The following UNC13C variants were observed in gnomAD, a reference collection of about 807,000 sequenced individuals.
UNC13C encodes the protein protein unc-13 homolog C.
UNC13C carries 174 observed loss-of-function variants against 245.4 expected under a neutral mutation model. That is an observed-to-expected ratio of 0.71 (90% CI 0.63 to 0.80). The LOEUF (loss-of-function observed/expected upper bound fraction) is 0.80, where lower values mean the gene tolerates loss of function less well. Among genes scored for constraint, UNC13C ranks in the 30% least tolerant of loss-of-function variants. The pLI, the probability that UNC13C is intolerant of heterozygous loss-of-function variation, is 0.00. For synonymous variants in UNC13C, 992 were observed against 895.1 expected (o/e 1.11, Z -1.93); for missense variants, 2,829 against 2,602.9 (o/e 1.09, Z -1.89).
intron 17 of UNC13C, among the ~76,000 whole-genome samples, chr15:54,350,499 C>A (rs1226529150): frequency 6.6e-6 from 1 of 152,056 alleles, no homozygotes; most frequent in Non-Finnish European, 1.5e-5. Flanking sequence ...GATCTAAATT[C>A]TTAAACAAGG....
chr15:53,977,679 A>C (rs1893754539), upstream of UNC13C, among the ~76,000 whole-genome samples: 1 of 152,190 alleles, frequency 6.6e-6, no homozygotes, highest in Admixed American at 6.5e-5. Flanking sequence ...TTGTTTCAAC[A>C]GGAGGATTAG....
rs146748171 is a variant in UNC13C at position 54,469,707 on chromosome 15, T to G, written c.4934-24901T>G. On this transcript the variant is annotated intron_variant, in intron 19 of 32. Coordinates refer to ENST00000260323, the MANE Select transcript of UNC13C (RefSeq NM_001080534.3). Reference sequence around the variant, plus strand: ...TCAAGTTTTGCTTTTTGGAATTTTGTGGAATTTTTTGTGAGTATTTTCAAT... The same window carrying G: ...TCAAGTTTTGCTTTTTGGAATTTTGGGGAATTTTTTGTGAGTATTTTCAAT... Among the ~76,000 whole-genome samples the G allele has an allele frequency of 7.2e-3, 1,097 of 151,666 alleles. 17 individuals are homozygous for G. The highest frequency in any genetic ancestry group is 0.025 in the African/African-American group (1,025 of 41,494).
chr15:54,322,136 A>T, intron 14 of UNC13C, 41 bp downstream of exon 14: 2 of 1,496,100 alleles, frequency 1.3e-6, no homozygotes, highest in Non-Finnish European at 1.8e-6. Flanking sequence ...CTAGCAGCTT[A>T]TGGGAGTTAC....
At chr15:54,129,059 A>G (rs752857000) in intron 2 of UNC13C, among the ~76,000 whole-genome samples, 2 of 152,204 alleles carry the variant, frequency 1.3e-5, no homozygotes, top group Non-Finnish European at 2.9e-5. Context: ...ATCAATAGCT[A>G]ATCTACCGTC....
At chr15:54,513,573 C>T (rs1376406941) in intron 24 of UNC13C, among the ~76,000 whole-genome samples, 1 of 152,100 alleles carries the variant, frequency 6.6e-6, no homozygotes, top group Non-Finnish European at 1.5e-5. Context: ...AGGTTTCACG[C>T]TATTCATTTT....
chr15:54,203,857 T>TAC (rs2034619157), intron 4 of UNC13C, among the ~76,000 whole-genome samples: 1 of 101,664 alleles, frequency 9.8e-6, no homozygotes, highest in African/African-American at 3.1e-5. Flanking sequence ...CACGTATATA[T>TAC]ACATATATAC....
chr15:54,493,136 T>C (rs1356858), intron 19 of UNC13C, among the ~76,000 whole-genome samples: 2 of 152,020 alleles, frequency 1.3e-5, no homozygotes, highest in Non-Finnish European at 2.9e-5. Context: ...GTGTGAAATT[T>C]CTACCTGAGT....
chr15:54,180,892 G>C (rs1008621270), intron 4 of UNC13C, among the ~76,000 whole-genome samples: 3 of 151,922 alleles, frequency 2.0e-5, no homozygotes, highest in African/African-American at 4.8e-5. Context: ...CCTGATATTA[G>C]ACATTTGTTG....
intron 1 of UNC13C, among the ~76,000 whole-genome samples, chr15:53,980,573 A>G (rs896169616): frequency 2.6e-5 from 4 of 152,218 alleles, no homozygotes; most frequent in Non-Finnish European, 5.9e-5. Flanking sequence ...TCAAACTATA[A>G]TGGAATTTTG....
intron 4 of UNC13C, among the ~76,000 whole-genome samples, chr15:54,206,168 C>T (rs1301363325): frequency 6.6e-6 from 1 of 151,944 alleles, no homozygotes; most frequent in Non-Finnish European, 1.5e-5. Context: ...TCAGAAATTA[C>T]CTTCCTAAAA....
chr15:54,596,011 C>T (rs1212474308), intron 30 of UNC13C, among the ~76,000 whole-genome samples: 1 of 151,828 alleles, frequency 6.6e-6, no homozygotes, highest in East Asian at 1.9e-4. Context: ...AAAAAAAAGT[C>T]TTCAATAGGA....
At chr15:54,026,807 C>T (rs1896129219) in intron 2 of UNC13C, among the ~76,000 whole-genome samples, 1 of 152,156 alleles carries the variant, frequency 6.6e-6, no homozygotes, top group South Asian at 2.1e-4. Context: ...TTAATTCATG[C>T]ATTGGTTCAT....
chr15:54,450,305 C>A (rs1316343062), intron 19 of UNC13C, among the ~76,000 whole-genome samples: 2 of 152,230 alleles, frequency 1.3e-5, no homozygotes, highest in African/African-American at 4.8e-5. Context: ...AGCTGTCACA[C>A]AGGGACATTT....
intron 2 of UNC13C, among the ~76,000 whole-genome samples, chr15:54,112,997 A>G (rs2029925465): frequency 6.6e-6 from 1 of 152,226 alleles, no homozygotes; most frequent in Non-Finnish European, 1.5e-5. Flanking sequence ...GCAAATAGGT[A>G]CAGTAAATAG....
chr15:54,055,092 C>T (rs1485414984), intron 2 of UNC13C, among the ~76,000 whole-genome samples: 1 of 152,150 alleles, frequency 6.6e-6, no homozygotes, highest in African/African-American at 2.4e-5. Flanking sequence ...TGTTATATTA[C>T]AAGATTTTCT....
intron 7 of UNC13C, among the ~76,000 whole-genome samples, chr15:54,239,532 C>T (rs754154069): frequency 5.3e-5 from 8 of 152,200 alleles, no homozygotes; most frequent in Non-Finnish European, 1.2e-4. Flanking sequence ...CTCACTGCAG[C>T]CTCAACCTTC....
intron 4 of UNC13C, among the ~76,000 whole-genome samples, chr15:54,205,640 G>A (rs908719261): frequency 3.3e-5 from 5 of 151,996 alleles, no homozygotes; most frequent in South Asian, 2.1e-4. Context: ...GCTGTCTGGA[G>A]CAACAGAAAA....
chr15:54,481,432 A>C (rs1893108815), intron 19 of UNC13C, among the ~76,000 whole-genome samples: 1 of 152,136 alleles, frequency 6.6e-6, no homozygotes, highest in African/African-American at 2.4e-5. Context: ...GATGACATGC[A>C]CATGCTACAG....
At chr15:54,348,882 A>G (rs1405126727) in intron 17 of UNC13C, among the ~76,000 whole-genome samples, 2 of 152,024 alleles carry the variant, frequency 1.3e-5, no homozygotes, top group African/African-American at 4.8e-5. Context: ...AAAACTGGCT[A>G]TAATATGTCC....
Sources: gnomAD v4.1 joint callset for allele counts (sites outside exome capture counted in the v4.1 genomes callset) on GRCh38, gnomAD v4.1.1 for gene constraint, MANE v1.5 for transcripts, NCBI Gene and HGNC (gene_info 2026-07-23, HGNC 2026-07-21) for gene names.